Variants in MRTFB observed in about 807,000 individuals in gnomAD.
The protein encoded by MRTFB is myocardin related transcription factor B, also known as myocardin-related transcription factor B.
MRTFB carries 29 observed loss-of-function variants against 104.2 expected under a neutral mutation model. The observed-to-expected ratio is 0.28, with a 90% confidence interval of 0.21 to 0.38. The LOEUF (loss-of-function observed/expected upper bound fraction) is 0.38. Ranked by LOEUF, MRTFB falls within the 10% of genes least tolerant of loss-of-function variation. The pLI is 1.00. For synonymous variants in MRTFB, 535 were observed against 519.5 expected (o/e 1.03, Z -0.41); for missense variants, 1,270 against 1,341.6 (o/e 0.95, Z 0.83).
chr16:14,243,652 C>A (rs2042878127), intron 10 of MRTFB, among the ~76,000 whole-genome samples: 1 of 152,060 alleles, frequency 6.6e-6, no homozygotes, highest in African/African-American at 2.4e-5. Flanking sequence ...AGTGATGCAC[C>A]AACTTCTTTT....
intron 2 of MRTFB, among the ~76,000 whole-genome samples, chr16:14,117,797 G>A (rs2036618041): frequency 6.6e-6 from 1 of 151,372 alleles, no homozygotes; most frequent in South Asian, 2.1e-4. Flanking sequence ...ACTTTATAGG[G>A]AAAAAAAAGT....
chr16:14,162,714 G>A (rs2142917932), intron 3 of MRTFB, among the ~76,000 whole-genome samples: 1 of 152,278 alleles, frequency 6.6e-6, no homozygotes, highest in South Asian at 2.1e-4. Flanking sequence ...TCAGGATAGT[G>A]GTTACACTTG....
chr16:14,057,442 T>C, the MRTFB span, among the ~76,000 whole-genome samples: 1 of 152,272 alleles, frequency 6.6e-6, no homozygotes, highest in Admixed American at 6.5e-5. Flanking sequence ...TGTTGTTCCC[T>C]TTCCTTTTCT....
chr16:14,212,486 C>A, intron 5 of MRTFB, 77 bp downstream of exon 5: 2 of 1,297,978 alleles, frequency 1.5e-6, no homozygotes, highest in Non-Finnish European at 2.2e-6. Flanking sequence ...GTACAAGTAG[C>A]AGTGTTACTC....
At chr16:13,996,327 G>T in the MRTFB span, among the ~76,000 whole-genome samples, 1 of 151,864 alleles carries the variant, frequency 6.6e-6, no homozygotes, top group East Asian at 1.9e-4. Flanking sequence ...GCTTCTCTGA[G>T]AAGGCAAAGA....
chr16:14,176,719 T>C (rs1041436452), intron 3 of MRTFB, among the ~76,000 whole-genome samples: 3 of 152,218 alleles, frequency 2.0e-5, no homozygotes, highest in African/African-American at 4.8e-5. Flanking sequence ...AAAATGGAGA[T>C]AGTAGTAGAG....
At chr16:14,249,791 C>G (rs189045614) in intron 13 of MRTFB, among the ~76,000 whole-genome samples, 169 of 152,312 alleles carry the variant, frequency 1.1e-3, no homozygotes, top group Middle Eastern at 6.8e-3. Context: ...TCTTTTAAAC[C>G]TTGAAAATTA....
At chr16:14,123,369 A>G (rs9932289) in intron 2 of MRTFB, among the ~76,000 whole-genome samples, 35,597 of 152,034 alleles carry the variant, frequency 0.23, 7,916 homozygotes, top group African/African-American at 0.58. Context: ...CCTATGTCCT[A>G]AATGGTATTG....
the MRTFB span, among the ~76,000 whole-genome samples, chr16:14,018,664 G>A: frequency 5.0e-3 from 768 of 152,200 alleles, 6 homozygotes; most frequent in African/African-American, 0.018. Flanking sequence ...AAAATTCTCC[G>A]GTTCACCACA....
intron 8 of MRTFB, among the ~76,000 whole-genome samples, chr16:14,220,999 A>G (rs886875967): frequency 1.3e-5 from 2 of 152,204 alleles, no homozygotes; most frequent in Admixed American, 1.3e-4. Context: ...GGAATCTGAC[A>G]AAGATTCTTA....
At chr16:14,030,081 G>A in the MRTFB span, among the ~76,000 whole-genome samples, 1 of 152,142 alleles carries the variant, frequency 6.6e-6, no homozygotes, top group Non-Finnish European at 1.5e-5. Context: ...GGGGAGCTGG[G>A]TGTTCCCAGA....
intron 6 of MRTFB, among the ~76,000 whole-genome samples, chr16:14,215,963 C>T (rs1690479335): frequency 6.6e-6 from 1 of 152,222 alleles, no homozygotes; most frequent in Admixed American, 6.5e-5. Context: ...CAACCTTTAT[C>T]AAATCTTTCC....
chr16:14,018,328 A>T, the MRTFB span, among the ~76,000 whole-genome samples: 1 of 152,224 alleles, frequency 6.6e-6, no homozygotes, highest in Non-Finnish European at 1.5e-5. Context: ...ACAGGGTTGC[A>T]GTGAAGCCTA....
upstream of MRTFB, among the ~76,000 whole-genome samples, chr16:14,068,718 C>T (rs1426311232): frequency 1.3e-5 from 2 of 152,182 alleles, no homozygotes; most frequent in East Asian, 3.9e-4. Flanking sequence ...TTTTAGGCAT[C>T]CGTTTGGCTG....
chr16:14,063,446 G>A, the MRTFB span, among the ~76,000 whole-genome samples: 1,148 of 152,162 alleles, frequency 7.5e-3, 15 homozygotes, highest in African/African-American at 0.026. Flanking sequence ...GTATTATGTC[G>A]TCACCCAGGT....
At position 14,210,359 on chromosome 16, in the gene MRTFB, C is replaced by T. The variant is rs765074902; in HGVS notation, c.220+51C>T. ...CCCTAACGTGACAGAACATGACGGG[C>T]GTGTCCAAGAAGAGCCTGCATCTTG... On this transcript the variant is annotated intron_variant, in intron 4 of 16. Coordinates refer to ENST00000571589, the MANE Select transcript of MRTFB (RefSeq NM_001308142.2). 4.9e-6 allele frequency: 7 copies of T among 1,431,864 alleles called. No individual in the cohort carries two copies. The Admixed American group carries it at 7.1e-5, about 15-fold the overall frequency. 88.7% of individuals were successfully genotyped at this position (1,431,864 alleles called of 1,614,324 possible).
chr16:14,071,992 A>G (rs1320052795), intron 1 of MRTFB, among the ~76,000 whole-genome samples: 2 of 152,050 alleles, frequency 1.3e-5, no homozygotes, highest in African/African-American at 4.8e-5. Flanking sequence ...GTCAAGAACC[A>G]TTGTTTGGCC....
chr16:14,151,831 A>C (rs1326937906), intron 3 of MRTFB: 1 of 152,192 alleles, frequency 6.6e-6, no homozygotes, highest in East Asian at 1.9e-4. Flanking sequence ...GTGAAAAGAC[A>C]AACAGGCCAA....
chr16:14,081,093 T>G (rs1567299840), intron 2 of MRTFB, among the ~76,000 whole-genome samples: 1 of 152,238 alleles, frequency 6.6e-6, no homozygotes, highest in African/African-American at 2.4e-5. Flanking sequence ...TTTTCCATAA[T>G]GGCAATAATT....
Sources: allele counts gnomAD v4.1 joint callset (sites outside exome capture counted in the v4.1 genomes callset), GRCh38; gene constraint gnomAD v4.1.1; transcripts MANE v1.5; gene names NCBI Gene and HGNC (gene_info 2026-07-23, HGNC 2026-07-21).